Variants in PPP2R3A observed in about 807,000 individuals in gnomAD.
PPP2R3A encodes the protein protein phosphatase 2 regulatory subunit B''alpha.
Under a neutral mutation model 106.9 loss-of-function variants are expected in PPP2R3A, and 80 were observed. The observed-to-expected ratio is 0.75, with a 90% CI of 0.62 to 0.90. The LOEUF is 0.90. PPP2R3A is among the 40% of genes least tolerant of loss of function. The pLI is 0.00. For missense variants in PPP2R3A, 1,386 were observed against 1,350.4 expected (o/e 1.03, Z -0.41); for synonymous variants, 483 against 468.3 (o/e 1.03, Z -0.41).
Position 136,002,302 on chromosome 3 carries a change from T to C in PPP2R3A, c.804T>C (p.Asn268=). The C allele has an allele frequency of 6.2e-7, 1 of 1,613,690 alleles. No homozygotes were observed. The highest frequency in any genetic ancestry group is 8.5e-7 in the Non-Finnish European group (1 of 1,179,690). The part of the protein sequence containing the change: ...SGSSISEGSG[N]DTISSSETVY... ...GTAGCATCAGTGAAGGAAGTGGTAATGATACAATTTCTAGCTCTGAAACTG... is the reference window on the plus strand; with the variant it reads ...GTAGCATCAGTGAAGGAAGTGGTAACGATACAATTTCTAGCTCTGAAACTG... Residue 268 remains asparagine, a synonymous_variant, in exon 2 of 14, where the codon AAT becomes AAC. Transcript: ENST00000264977.
chr3:136,107,773 A>C (rs1037760213), intron 13 of PPP2R3A, among the ~76,000 whole-genome samples: 1 of 152,106 alleles, frequency 6.6e-6, no homozygotes, highest in African/African-American at 2.4e-5. Flanking sequence ...TTCATCGTGC[A>C]CTCAGTATCT....
chr3:135,966,477 CG>C (rs1178075478), intron 1 of PPP2R3A, among the ~76,000 whole-genome samples: 1 of 152,118 alleles, frequency 6.6e-6, no homozygotes, highest in African/African-American at 2.4e-5. Context: ...TGGAGCGCCT[CG>C]GTGGGTCTCT....
chr3:135,966,604 C>G lies in PPP2R3A; in HGVS notation c.-441+755C>G, dbSNP rs561270353. On this transcript the variant is annotated intron_variant, in intron 1 of 13. Coordinates refer to ENST00000264977, the MANE Select transcript of PPP2R3A (RefSeq NM_002718.5). Reference sequence around the variant, plus strand: ...TTGCATCCGAACTCTGTTGTGCTCCCGTTATTCCCAGTCCTCCCACTCTGG... The same window carrying G: ...TTGCATCCGAACTCTGTTGTGCTCCGGTTATTCCCAGTCCTCCCACTCTGG... 2.6e-5 allele frequency among the ~76,000 whole-genome samples: 4 copies of G among 151,962 alleles called. 1 individual carries two copies. The highest frequency in any genetic ancestry group is 4.2e-4 in the South Asian group (2 of 4,818).
At chr3:136,133,821 A>G (rs984944863) in intron 13 of PPP2R3A, among the ~76,000 whole-genome samples, 1 of 148,268 alleles carries the variant, frequency 6.7e-6, no homozygotes, top group Non-Finnish European at 1.5e-5. Flanking sequence ...ATAACATTCC[A>G]CCATATGATG....
intron 13 of PPP2R3A, among the ~76,000 whole-genome samples, chr3:136,141,473 T>TC (rs1262066658): frequency 1.3e-5 from 2 of 152,108 alleles, no homozygotes; most frequent in Non-Finnish European, 2.9e-5. Context: ...AGTGATATAA[T>TC]CCCTACCCCT....
chr3:135,999,061 A>G (rs1933514461), intron 1 of PPP2R3A, among the ~76,000 whole-genome samples: 1 of 152,186 alleles, frequency 6.6e-6, no homozygotes, highest in Non-Finnish European at 1.5e-5. Flanking sequence ...CACTGCCCTC[A>G]TTAAACATTG....
At chr3:135,970,457 C>T (rs1486472061) in intron 1 of PPP2R3A, among the ~76,000 whole-genome samples, 1 of 152,126 alleles carries the variant, frequency 6.6e-6, no homozygotes, top group Non-Finnish European at 1.5e-5. Context: ...TTAGCTGTTT[C>T]CTTCACAATC....
intron 6 of PPP2R3A, among the ~76,000 whole-genome samples, chr3:136,075,172 A>G (rs1259084325): frequency 1.3e-5 from 2 of 152,210 alleles, no homozygotes; most frequent in Non-Finnish European, 2.9e-5. Context: ...ATAGATACCA[A>G]GAAGAAAGGA....
At chr3:135,979,243 A>G (rs1419996827) in intron 1 of PPP2R3A, among the ~76,000 whole-genome samples, 2 of 151,516 alleles carry the variant, frequency 1.3e-5, no homozygotes, top group African/African-American at 4.9e-5. Flanking sequence ...GCCGGGTGTG[A>G]TGGCACACAC....
chr3:136,093,738 G>C (rs569661698), intron 10 of PPP2R3A, among the ~76,000 whole-genome samples: 1 of 152,290 alleles, frequency 6.6e-6, no homozygotes, highest in Admixed American at 6.5e-5. Flanking sequence ...CAAAGAGTCA[G>C]ATAATAACAG....
chr3:136,001,287 A>C lies in PPP2R3A; in HGVS notation c.-212A>C. 1 of 471,026 alleles carries C rather than the reference A, an allele frequency of 2.1e-6. No individual in the cohort carries two copies. Among genetic ancestry groups the C allele is most frequent in the Non-Finnish European group, 3.7e-6 (1 of 270,088 alleles). The allele number at this position is 471,026 out of a possible 1,614,324, so 29.2% of individuals were successfully genotyped here. ...AAAAAGCACAATTATTAAATTATTAAATTTGCCACACATGTGCAGCAGCTA... is the reference window on the plus strand; with the variant it reads ...AAAAAGCACAATTATTAAATTATTACATTTGCCACACATGTGCAGCAGCTA... On this transcript the variant is annotated 5_prime_UTR_variant, in exon 2 of 14. Coordinates refer to ENST00000264977, the MANE Select transcript of PPP2R3A (RefSeq NM_002718.5).
At chr3:136,079,484 C>T (rs1051886917) in intron 7 of PPP2R3A, among the ~76,000 whole-genome samples, 1 of 151,044 alleles carries the variant, frequency 6.6e-6, no homozygotes, top group African/African-American at 2.4e-5. Flanking sequence ...TCTGGGTTCA[C>T]CACAATGTCC....
chr3:136,023,603 T>G (rs1485168095), intron 2 of PPP2R3A, among the ~76,000 whole-genome samples: 1 of 152,174 alleles, frequency 6.6e-6, no homozygotes, highest in Non-Finnish European at 1.5e-5. Flanking sequence ...ATCAATAGAT[T>G]ATATATTAGC....
At chr3:136,030,309 G>A (rs1198674028) in intron 3 of PPP2R3A, among the ~76,000 whole-genome samples, 1 of 81,478 alleles carries the variant, frequency 1.2e-5, no homozygotes, top group Non-Finnish European at 2.3e-5. Context: ...TATCTTGAGT[G>A]TGTCAGTTTG....
At position 136,103,266 on chromosome 3, in the gene PPP2R3A, ACT is replaced by A. The variant is rs779736534; in HGVS notation, c.3115_3116del (p.Leu1039LysfsTer14). On this transcript the variant is annotated frameshift_variant, in exon 12 of 14. Coordinates refer to ENST00000264977, the MANE Select transcript of PPP2R3A (RefSeq NM_002718.5). LOFTEE classifies it high-confidence loss of function. ...TGTTTATTTTTATGTAGGCAAAATAACTCTAAGAGATCTGAAGAGGTGCAGAA... is the reference window on the plus strand; with the variant it reads ...TGTTTATTTTTATGTAGGCAAAATAACTAAGAGATCTGAAGAGGTGCAGAA... ...LVKPAVDGKITLRDLKRCRMA... is the reference protein window; with the variant it reads ...LVKPAVDGKIXLRDLKRCRMA... The A allele has an allele frequency of 6.3e-7, 1 of 1,588,396 alleles. No individual in the cohort carries two copies. Among genetic ancestry groups the A allele is most frequent in the Non-Finnish European group, 8.6e-7 (1 of 1,165,054 alleles).
At chr3:136,060,716 G>A (rs1462007579) in intron 5 of PPP2R3A, among the ~76,000 whole-genome samples, 2 of 152,196 alleles carry the variant, frequency 1.3e-5, no homozygotes, top group Non-Finnish European at 2.9e-5. Context: ...GTCTCAGGTA[G>A]TTCTTTAGAG....
At chr3:136,143,019 C>T (rs1394865575) in intron 13 of PPP2R3A, among the ~76,000 whole-genome samples, 1 of 152,150 alleles carries the variant, frequency 6.6e-6, no homozygotes, top group African/African-American at 2.4e-5. Flanking sequence ...CATCCCATGC[C>T]GCATTGAGGC....
At chr3:136,098,907 C>G (rs1210496011) in intron 10 of PPP2R3A, among the ~76,000 whole-genome samples, 1 of 152,054 alleles carries the variant, frequency 6.6e-6, no homozygotes, top group East Asian at 1.9e-4. Context: ...TGTCCTCTAC[C>G]CTAGCATAAA....
chr3:136,069,037 A>G (rs1490337750), intron 5 of PPP2R3A, among the ~76,000 whole-genome samples: 1 of 152,218 alleles, frequency 6.6e-6, no homozygotes, highest in Non-Finnish European at 1.5e-5. Flanking sequence ...GGAAAGACTA[A>G]CGAACTTTCA....
Sources: gnomAD v4.1 joint callset for allele counts (sites outside exome capture counted in the v4.1 genomes callset) on GRCh38, gnomAD v4.1.1 for gene constraint, MANE v1.5 for transcripts, NCBI Gene and HGNC (gene_info 2026-07-23, HGNC 2026-07-21) for gene names.